TGFBR3: variants seen among roughly 807,000 people sequenced by gnomAD.
TGFBR3 encodes transforming growth factor beta receptor 3.
In TGFBR3, 46 loss-of-function variants were observed where a neutral mutation model predicts 87.9. The ratio of observed to expected loss-of-function variants is 0.52; its 90% confidence interval spans 0.41 to 0.67. The LOEUF (loss-of-function observed/expected upper bound fraction) is 0.67, where lower values mean the gene tolerates loss of function less well. Among genes scored for constraint, TGFBR3 ranks in the 30% least tolerant of loss-of-function variants. The probability of loss-of-function intolerance (pLI) is 0.00; values close to 1 mark genes in which losing one functional copy is unlikely to be tolerated. For missense variants in TGFBR3, 866 were observed against 1,041.9 expected (o/e 0.83, Z 2.32); for synonymous variants, 381 against 391.6 (o/e 0.97, Z 0.32).
At chr1:91,873,363 A>C (rs1571592742) in intron 1 of TGFBR3, among the ~76,000 whole-genome samples, 1 of 144,016 alleles carries the variant, frequency 6.9e-6, no homozygotes, top group Admixed American at 7.1e-5. Context: ...GATCACTGCA[A>C]CCTCTCCCTC....
At chr1:91,766,034 T>C (rs981465635) in intron 3 of TGFBR3, among the ~76,000 whole-genome samples, 1 of 151,912 alleles carries the variant, frequency 6.6e-6, no homozygotes, top group Non-Finnish European at 1.5e-5. Flanking sequence ...CCTCTCAAGT[T>C]CTCCTTTTTT....
At position 91,865,684 on chromosome 1, in the gene TGFBR3, G is replaced by A. The variant is rs563350469; in HGVS notation, c.-113-4040C>T. 1.9e-4 allele frequency among the ~76,000 whole-genome samples: 29 copies of A among 151,038 alleles called. 1 individual carries two copies. Among genetic ancestry groups the A allele is most frequent in the Admixed American group, 9.2e-4 (14 of 15,160 alleles). On this transcript the variant is annotated intron_variant, in intron 1 of 16. Transcript: ENST00000212355. ...TCCCAGCACTTTGGGAGGCCGAGGC[G>A]GGTGGATCACGAGGTCAGGAGATCG...
chr1:91,809,012 T>A (rs1675934885), intron 2 of TGFBR3, among the ~76,000 whole-genome samples: 1 of 152,242 alleles, frequency 6.6e-6, no homozygotes, highest in Non-Finnish European at 1.5e-5. Flanking sequence ...TGAAGGATAG[T>A]ACACTTCTTT....
chr1:91,858,788 G>C (rs1016773344), intron 2 of TGFBR3, among the ~76,000 whole-genome samples: 1 of 151,962 alleles, frequency 6.6e-6, no homozygotes, highest in African/African-American at 2.4e-5. Flanking sequence ...AGCGGTGGTG[G>C]CTCACACCTG....
At chr1:91,859,755 A>C (rs1344788828) in intron 2 of TGFBR3, among the ~76,000 whole-genome samples, 1 of 151,856 alleles carries the variant, frequency 6.6e-6, no homozygotes, top group Non-Finnish European at 1.5e-5. Flanking sequence ...TAAAAATACA[A>C]AAAATTAGCC....
intron 2 of TGFBR3, among the ~76,000 whole-genome samples, chr1:91,891,386 T>A (rs1315374683): frequency 6.6e-6 from 1 of 151,662 alleles, no homozygotes; most frequent in Non-Finnish European, 1.5e-5. Flanking sequence ...TAGTCCCAGC[T>A]ACTTGGGAGG....
At chr1:91,721,175 G>A (rs929275833) in intron 8 of TGFBR3, among the ~76,000 whole-genome samples, 1 of 152,172 alleles carries the variant, frequency 6.6e-6, no homozygotes, top group Non-Finnish European at 1.5e-5. Flanking sequence ...TGGAAAGGAC[G>A]CTAGAGCTGT....
intron 3 of TGFBR3, among the ~76,000 whole-genome samples, chr1:91,774,347 G>A (rs531023672): frequency 3.7e-4 from 57 of 152,168 alleles, no homozygotes; most frequent in African/African-American, 1.3e-3. Context: ...ATGTTCTCAA[G>A]CTGGTCCCAA....
intron 4 of TGFBR3, among the ~76,000 whole-genome samples, chr1:91,757,537 C>G (rs1394537892): frequency 6.6e-6 from 1 of 152,178 alleles, no homozygotes; most frequent in Non-Finnish European, 1.5e-5. Context: ...ATAATTCTTG[C>G]CTGGTCAACT....
At chr1:91,769,331 A>ATGGAG (rs1674293493) in intron 3 of TGFBR3, among the ~76,000 whole-genome samples, 1 of 152,146 alleles carries the variant, frequency 6.6e-6, no homozygotes, top group African/African-American at 2.4e-5. Flanking sequence ...TGAGGCTTCA[A>ATGGAG]GTCAAAACGG....
Position 91,850,688 on chromosome 1 carries a change from G to A in TGFBR3, c.61+10783C>T, listed in dbSNP as rs115585427. Among the ~76,000 whole-genome samples the A allele has an allele frequency of 1.4e-3, 206 of 151,592 alleles. 2 individuals carry two copies. The highest frequency in any genetic ancestry group is 4.5e-3 in the African/African-American group (187 of 41,248). ...CCCACCTACATAGGAGGCTGAGGCA[G>A]GAAGATCTCTTGAGCCTGGGAGGTT... On this transcript the variant is annotated intron_variant, in intron 2 of 16. Transcript: ENST00000212355.
Position 91,712,295 on chromosome 1 carries a change from C to T in TGFBR3, c.2114G>A (p.Cys705Tyr). 1 of 1,614,196 alleles carries T rather than the reference C, an allele frequency of 6.2e-7. No individual in the cohort carries two copies. The highest frequency in any genetic ancestry group is 8.5e-7 in the Non-Finnish European group (1 of 1,180,038). The change falls in exon 13 of 17, where the codon TGT becomes TAT. Residue 705 changes from cysteine to tyrosine, a missense_variant. Physicochemically the swap from Cys to Tyr is radical, Grantham distance 194. Transcript: ENST00000212355. ...CATCTTCGTACACAGCGTCAGCTCA[C>T]ACTGTAGAAAGAGCAGTGAGGTGTT... ...VFNTSLLFLQ[C>Y]ELTLCTKMEK... is the part of the protein sequence containing the mutation.
chr1:91,885,246 G>A (rs1400385489), intron 1 of TGFBR3, among the ~76,000 whole-genome samples: 1 of 151,992 alleles, frequency 6.6e-6, no homozygotes, highest in Admixed American at 6.6e-5. Context: ...GCAAAGCGGG[G>A]CAAATGCCCT....
At position 91,743,404 on chromosome 1, in the gene TGFBR3, A is replaced by G. The variant is rs1458379478; in HGVS notation, c.385-8445T>C. Among the ~76,000 whole-genome samples, 3 of 152,114 alleles carry G rather than the reference A, an allele frequency of 2.0e-5. No homozygotes were observed. In the East Asian group the frequency reaches 5.8e-4, roughly 29 times the overall value. On this transcript the variant is annotated intron_variant, in intron 4 of 16. Transcript: ENST00000212355. ...AAAAGTGGATATTAAGTCTCATCTTAAGTTTCACCTCAACCTCCTTCAAGT... is the reference window on the plus strand; with the variant it reads ...AAAAGTGGATATTAAGTCTCATCTTGAGTTTCACCTCAACCTCCTTCAAGT...
At position 91,712,354 on chromosome 1, in the gene TGFBR3, C is replaced by T. The variant is rs142025249; in HGVS notation, c.2055G>A (p.Lys685=). The T allele has an allele frequency of 2.5e-6, 4 of 1,614,208 alleles. No homozygotes were observed. Among genetic ancestry groups the T allele is most frequent in the Non-Finnish European group, 3.4e-6 (4 of 1,180,024 alleles). ...GCTTGAAGACAAAGCTGAATCGCTT[C>T]TTATCCATGTCAGCTTGCGGGATAG... The part of the protein sequence containing the change: ...HFPIPQADMD[K]KRFSFVFKPV... The change falls in exon 13 of 17, where the codon AAG becomes AAA. Residue 685 remains lysine, a synonymous_variant. Coordinates refer to ENST00000212355, the MANE Select transcript of TGFBR3 (RefSeq NM_003243.5).
chr1:91,850,668 C>T (rs1677693275), intron 2 of TGFBR3, among the ~76,000 whole-genome samples: 1 of 151,606 alleles, frequency 6.6e-6, no homozygotes. Flanking sequence ...GTAGTCCCAC[C>T]TACATAGGAG....
intron 2 of TGFBR3, among the ~76,000 whole-genome samples, chr1:91,837,899 T>C (rs1677118365): frequency 6.6e-6 from 1 of 152,218 alleles, no homozygotes; most frequent in Non-Finnish European, 1.5e-5. Flanking sequence ...ACTACTGCAT[T>C]ATATCCTTAC....
chr1:91,705,346 A>G (rs545024418), intron 14 of TGFBR3, among the ~76,000 whole-genome samples: 1 of 151,430 alleles, frequency 6.6e-6, no homozygotes, highest in South Asian at 2.1e-4. Flanking sequence ...GCCTCAGCCT[A>G]AAGAGTAGCT....
intron 2 of TGFBR3, among the ~76,000 whole-genome samples, chr1:91,827,158 G>A (rs529881332): frequency 5.3e-5 from 8 of 152,240 alleles, no homozygotes; most frequent in Non-Finnish European, 1.2e-4. Context: ...GTAAGCTCCC[G>A]GGGTGGGGAC....
Sources: gnomAD v4.1 joint callset for allele counts (sites outside exome capture counted in the v4.1 genomes callset) on GRCh38, gnomAD v4.1.1 for gene constraint, MANE v1.5 for transcripts, NCBI Gene and HGNC (gene_info 2026-07-23, HGNC 2026-07-21) for gene names.